Variants in KCNQ5 observed in about 807,000 individuals in gnomAD.
The protein encoded by KCNQ5 is potassium voltage-gated channel subfamily KQT member 5.
KCNQ5 carries 30 observed loss-of-function variants against 98.2 expected under a neutral mutation model. The ratio of observed to expected loss-of-function variants is 0.31; its 90% CI spans 0.23 to 0.41. The LOEUF is 0.41. Ranked by LOEUF, KCNQ5 falls within the 10% of genes least tolerant of loss-of-function variation. The pLI is 1.00. For missense variants in KCNQ5, 835 were observed against 1,182.5 expected (o/e 0.71, Z 4.31); for synonymous variants, 458 against 449.4 (o/e 1.02, Z -0.24).
intron 1 of KCNQ5, among the ~76,000 whole-genome samples, chr6:72,776,367 T>A (rs1773162837): frequency 1.3e-5 from 2 of 152,222 alleles, no homozygotes; most frequent in Non-Finnish European, 2.9e-5. Flanking sequence ...ATTACTTCTG[T>A]TTACTCCAAC....
chr6:72,828,066 T>C (rs575036254), intron 1 of KCNQ5, among the ~76,000 whole-genome samples: 3 of 152,126 alleles, frequency 2.0e-5, no homozygotes, highest in Non-Finnish European at 4.4e-5. Flanking sequence ...GTTGGGTTCT[T>C]TATTCTGTTC....
intron 1 of KCNQ5, among the ~76,000 whole-genome samples, chr6:72,965,482 A>G (rs904991513): frequency 6.6e-6 from 1 of 152,208 alleles, no homozygotes; most frequent in Non-Finnish European, 1.5e-5. Context: ...GCAAATAATG[A>G]GAAATGGCTG....
chr6:72,718,445 C>CTTT lies in KCNQ5; in HGVS notation c.398+95882_398+95884dup, dbSNP rs1032425332. Among the ~76,000 whole-genome samples, 114 of 71,480 alleles carry CTTT rather than the reference C, an allele frequency of 1.6e-3. 11 individuals carry two copies. Among genetic ancestry groups the CTTT allele is most frequent in the South Asian group, 4.8e-3 (7 of 1,450 alleles). The allele number at this position is 71,480 out of a possible 152,430, so 46.9% of individuals were successfully genotyped here. On this transcript the variant is annotated intron_variant, in intron 1 of 13. Transcript: ENST00000370398. ...GGTCTTGAGATTCTTCCTTTCTGCT[C>CTTT]TTTTTTTTTTTTTTTTTTTTTTTTT...
At chr6:73,068,384 G>A (rs955348559) in intron 3 of KCNQ5, among the ~76,000 whole-genome samples, 1 of 152,106 alleles carries the variant, frequency 6.6e-6, no homozygotes, top group African/African-American at 2.4e-5. Flanking sequence ...TTTAAATAAT[G>A]ATGTTTAGAA....
intron 1 of KCNQ5, among the ~76,000 whole-genome samples, chr6:72,649,999 A>AT (rs1450060488): frequency 1.3e-5 from 2 of 152,042 alleles, no homozygotes; most frequent in Non-Finnish European, 2.9e-5. Context: ...ACCATTACAT[A>AT]TTTTTACTCA....
intron 10 of KCNQ5, among the ~76,000 whole-genome samples, chr6:73,147,387 C>G (rs1776966093): frequency 6.6e-6 from 1 of 152,094 alleles, no homozygotes; most frequent in African/African-American, 2.4e-5. Context: ...TCTTCCAGTA[C>G]TTGATGGCAA....
chr6:72,713,462 A>AT (rs989905377), intron 1 of KCNQ5, among the ~76,000 whole-genome samples: 5 of 151,906 alleles, frequency 3.3e-5, no homozygotes, highest in African/African-American at 1.2e-4. Flanking sequence ...GGCTTCTACA[A>AT]TTTTTTTTCA....
intron 10 of KCNQ5, among the ~76,000 whole-genome samples, chr6:73,137,776 T>C (rs999734648): frequency 4.6e-5 from 7 of 152,200 alleles, no homozygotes; most frequent in Non-Finnish European, 1.0e-4. Context: ...GGAGCCACCA[T>C]GCACATGCAG....
chr6:73,057,298 G>T (rs1435098753), intron 3 of KCNQ5, among the ~76,000 whole-genome samples: 1 of 146,434 alleles, frequency 6.8e-6, no homozygotes, highest in Non-Finnish European at 1.5e-5. Flanking sequence ...TGGATGCAGG[G>T]TGGGGAACAT....
intron 1 of KCNQ5, among the ~76,000 whole-genome samples, chr6:72,943,219 C>A (rs926309275): frequency 1.6e-4 from 25 of 152,174 alleles, no homozygotes; most frequent in Admixed American, 2.6e-4. Flanking sequence ...TCGTGCCCTT[C>A]CTTGTGCCAT....
intron 1 of KCNQ5, among the ~76,000 whole-genome samples, chr6:72,643,384 A>G (rs1239630090): frequency 1.3e-5 from 2 of 152,172 alleles, no homozygotes; most frequent in African/African-American, 4.8e-5. Context: ...TACCAAAGGA[A>G]GTCTAATTAT....
chr6:72,772,061 T>G (rs1772924244), intron 1 of KCNQ5, among the ~76,000 whole-genome samples: 1 of 152,184 alleles, frequency 6.6e-6, no homozygotes, highest in South Asian at 2.1e-4. Context: ...ATATATTTTA[T>G]GATACCGACT....
intron 11 of KCNQ5, among the ~76,000 whole-genome samples, chr6:73,170,432 ACACACACACACACAC>A (rs1400396110): frequency 0.059 from 7,309 of 124,906 alleles, 646 homozygotes; most frequent in African/African-American, 0.27. Context: ...ACACACACAC[ACACACACACACACAC>A]ACACACACAC....
chr6:72,899,970 T>C (rs1400149723), intron 1 of KCNQ5, among the ~76,000 whole-genome samples: 1 of 152,110 alleles, frequency 6.6e-6, no homozygotes, highest in Non-Finnish European at 1.5e-5. Context: ...CTCAGTCTCC[T>C]GAGTATCTGG....
intron 1 of KCNQ5, among the ~76,000 whole-genome samples, chr6:72,983,438 T>C (rs1043194876): frequency 6.6e-6 from 1 of 152,216 alleles, no homozygotes; most frequent in African/African-American, 2.4e-5. Flanking sequence ...CAATCACTGA[T>C]ACCCTTTCTT....
intron 10 of KCNQ5, among the ~76,000 whole-genome samples, chr6:73,164,332 G>A (rs1777714754): frequency 6.6e-6 from 1 of 152,124 alleles, no homozygotes; most frequent in Non-Finnish European, 1.5e-5. Context: ...ACACATGCCA[G>A]CAAAGATATA....
At chr6:73,169,189 G>A (rs1450768110) in intron 10 of KCNQ5, among the ~76,000 whole-genome samples, 1 of 66,912 alleles carries the variant, frequency 1.5e-5, no homozygotes, top group Admixed American at 2.0e-4. Flanking sequence ...TTTTTATCCA[G>A]TCTGAAAATC....
intron 1 of KCNQ5, among the ~76,000 whole-genome samples, chr6:72,731,622 G>A (rs1433194401): frequency 6.6e-6 from 1 of 152,152 alleles, no homozygotes; most frequent in African/African-American, 2.4e-5. Flanking sequence ...TTTCAGGCAT[G>A]AGGACAAAGA....
At chr6:72,987,747 T>C (rs1768865125) in intron 1 of KCNQ5, 3 of 508,982 alleles carry the variant, frequency 5.9e-6, no homozygotes, top group South Asian at 2.1e-5. Flanking sequence ...AGCTGGAAGA[T>C]TAAACTCTAG....
Sources: allele counts gnomAD v4.1 joint callset (sites outside exome capture counted in the v4.1 genomes callset), GRCh38; gene constraint gnomAD v4.1.1; transcripts MANE v1.5; gene names NCBI Gene and HGNC (gene_info 2026-07-23, HGNC 2026-07-21).